The following LRATD2 variants were observed in gnomAD, a reference collection of about 807,000 sequenced individuals.
LRATD2 encodes LRAT domain containing 2, also known as protein LRATD2.
A neutral mutation model predicts 12.0 loss-of-function variants in LRATD2; 10 were observed. The ratio of observed to expected loss-of-function variants is 0.83; its 90% CI spans 0.51 to 1.41. LRATD2 has a LOEUF of 1.41. Among genes scored for constraint, LRATD2 ranks in the 40% most tolerant of loss-of-function variants. The pLI, the probability that LRATD2 is intolerant of heterozygous loss-of-function variation, is 0.00. For missense variants in LRATD2, 455 were observed against 446.1 expected (o/e 1.02, Z -0.18); for synonymous variants, 220 against 205.8 (o/e 1.07, Z -0.59).
In LRATD2 at chr8:126,557,735, T is replaced by A; in HGVS notation, c.-96-250A>T. On this transcript the variant is annotated intron_variant, in intron 1 of 1. Transcript: ENST00000304916. The surrounding 1 kb of genome is among the most constrained non-coding windows in gnomAD (Gnocchi z 5.3). ...AGCCCATTGCATCAGCAGCTTCTAC[T>A]GCTTCCGCCTGCGCCCTACCTGCCA... 1 of 267,998 alleles carries A rather than the reference T, an allele frequency of 3.7e-6. No homozygotes were observed. Among genetic ancestry groups the A allele is most frequent in the Non-Finnish European group, 7.0e-6 (1 of 142,928 alleles). 16.6% of individuals were successfully genotyped at this position (267,998 alleles called of 1,614,324 possible).
Position 126,557,804 on chromosome 8 carries a change from T to C in LRATD2, c.-97+230A>G. ...GAAGGAAAGAGAAACTTTACGCCAA[T>C]CCCCCCCCTCCTCTGCTAACTTCCC... On this transcript the variant is annotated intron_variant, in intron 1 of 1. Transcript: ENST00000304916. This position sits in a 1 kb window ranked among gnomAD's most constrained non-coding sequence, Gnocchi z 5.3. 3.0e-5 allele frequency: 5 copies of C among 169,070 alleles called. No homozygotes were observed. Among genetic ancestry groups the C allele is most frequent in the Non-Finnish European group, 6.2e-5 (5 of 81,098 alleles). 10.5% of individuals were successfully genotyped at this position (169,070 alleles called of 1,614,324 possible). A position where few individuals can be genotyped will look rare whatever the true frequency, so the allele number is the denominator to read the frequency against.
In LRATD2 at chr8:126,556,498, G is replaced by A. The variant is rs770510445; in HGVS notation, c.892C>T (p.Pro298Ser). ...TCTCCGTCCTCCTCCTCGGAGCTGG[G>A]CGCAGGGGGGCGCCCGGGAGGCGGC... ...TTPPPGRPPA[P>S]SSEEEDGEAV... is the part of the protein sequence containing the mutation. Residue 298 changes from proline to serine, a missense_variant, in exon 2 of 2, where the codon CCC becomes TCC. Coordinates refer to ENST00000304916, the MANE Select transcript of LRATD2 (RefSeq NM_174911.5). The surrounding 1 kb of genome is among the most constrained non-coding windows in gnomAD (Gnocchi z 5.6). The A allele has an allele frequency of 1.2e-5, 19 of 1,589,288 alleles. No homozygotes were observed. In the African/African-American group the frequency reaches 1.8e-4, roughly 15 times the overall value.
Position 126,556,259 on chromosome 8 carries a change from T to C in LRATD2, c.*198A>G. 2 of 606,236 alleles carry C rather than the reference T, an allele frequency of 3.3e-6. No individual in the cohort carries two copies. The highest frequency in any genetic ancestry group is 3.3e-5 in the East Asian group (1 of 30,484). The allele number at this position is 606,236 out of a possible 1,614,324, so 37.6% of individuals were successfully genotyped here. ...GCCCCCCACCCCCAACTAAAGTGTT[T>C]CCTACCTGCTCCCTCTGTCCCCTTC... is the stretch of plus-strand genomic sequence containing the variant. On this transcript the variant is annotated 3_prime_UTR_variant, in exon 2 of 2. Transcript: ENST00000304916. This position sits in a 1 kb window ranked among gnomAD's most constrained non-coding sequence, Gnocchi z 5.6.
rs760967885 is a variant in LRATD2 at position 126,556,692 on chromosome 8, T to C, written c.698A>G (p.Gln233Arg). 9 of 1,609,908 alleles carry C rather than the reference T, an allele frequency of 5.6e-6. No homozygotes were observed. In the South Asian group the frequency reaches 6.6e-5, roughly 12 times the overall value. The change falls in exon 2 of 2, where the codon CAG becomes CGG. Residue 233 changes from glutamine (Q) to arginine (R), a missense_variant. By Grantham distance (43) the Gln-to-Arg change is conservative (BLOSUM62 1). Transcript: ENST00000304916. This position sits in a 1 kb window ranked among gnomAD's most constrained non-coding sequence, Gnocchi z 5.6. ...CGTGTGGCTGCGCTGCGCCGACAGC[T>C]GAATCTGCAGCCGGTAGGGCTGCTT... ...IGKQPYRLQI[Q>R]LSAQRSHTLE...
At position 126,557,220 on chromosome 8, in the gene LRATD2, C is replaced by A. The variant is rs756032616; in HGVS notation, c.170G>T (p.Gly57Val). The change falls in exon 2 of 2, where the codon GGC (glycine) becomes GTC (valine). Residue 57 changes from glycine to valine, a missense_variant. By Grantham distance (109) the Gly-to-Val change is moderately radical. Transcript: ENST00000304916. This position sits in a 1 kb window ranked among gnomAD's most constrained non-coding sequence, Gnocchi z 5.3. ...PQPPPQGPDG[G>V]GLPDGGDGPP... Reference sequence around the variant, plus strand: ...CCCGTCCCCACCGTCGGGCAAGCCGCCGCCATCTGGCCCCTGAGGCGGCGG... The same window carrying A: ...CCCGTCCCCACCGTCGGGCAAGCCGACGCCATCTGGCCCCTGAGGCGGCGG... 6.2e-6 allele frequency: 10 copies of A among 1,600,258 alleles called. No individual in the cohort carries two copies. The Admixed American group carries it at 6.9e-5, about 11-fold the overall frequency.
At position 126,556,385 on chromosome 8, in the gene LRATD2, G is replaced by C; in HGVS notation, c.*72C>G. Reference sequence around the variant, plus strand: ...CAGACAGTGGCAAAAGAGGGAGGAAGAGAGGGAGAAAGGGAGCAGCGGCTG... The same window carrying C: ...CAGACAGTGGCAAAAGAGGGAGGAACAGAGGGAGAAAGGGAGCAGCGGCTG... On this transcript the variant is annotated 3_prime_UTR_variant, in exon 2 of 2. Coordinates refer to ENST00000304916, the MANE Select transcript of LRATD2 (RefSeq NM_174911.5). The surrounding 1 kb of genome is among the most constrained non-coding windows in gnomAD (Gnocchi z 5.6). The C allele has an allele frequency of 6.9e-7, 1 of 1,447,518 alleles. No individual in the cohort carries two copies. The highest frequency in any genetic ancestry group is 9.2e-7 in the Non-Finnish European group (1 of 1,091,986). 89.7% of individuals were successfully genotyped at this position (1,447,518 alleles called of 1,614,324 possible).
At position 126,557,339 on chromosome 8, in the gene LRATD2, G is replaced by A. The variant is rs1817438301; in HGVS notation, c.51C>T (p.Pro17=). 3.1e-6 allele frequency: 5 copies of A among 1,613,846 alleles called. No homozygotes were observed. Among genetic ancestry groups the A allele is most frequent in the Non-Finnish European group, 4.2e-6 (5 of 1,179,986 alleles). ...KLTHLSYKEV[P]TADPTGVDRD... ...GGTCCACGCCAGTCGGGTCGGCCGTGGGAACTTCCTTGTAACTTAGGTGGG... is the reference window on the plus strand; with the variant it reads ...GGTCCACGCCAGTCGGGTCGGCCGTAGGAACTTCCTTGTAACTTAGGTGGG... The change falls in exon 2 of 2, where the codon CCC becomes CCT. Residue 17 remains proline, a synonymous_variant. Coordinates refer to ENST00000304916, the MANE Select transcript of LRATD2 (RefSeq NM_174911.5). This position sits in a 1 kb window ranked among gnomAD's most constrained non-coding sequence, Gnocchi z 5.3.
rs1195064103 is a variant in LRATD2 at position 126,554,562 on chromosome 8, GT to G, written c.*1894del. 2.0e-5 allele frequency: 3 copies of G among 152,226 alleles called. No homozygotes were observed. Among genetic ancestry groups the G allele is most frequent in the African/African-American group, 7.2e-5 (3 of 41,454 alleles). 9.4% of individuals were successfully genotyped at this position (152,226 alleles called of 1,614,324 possible). On this transcript the variant is annotated 3_prime_UTR_variant, in exon 2 of 2. Transcript: ENST00000304916. ...TTTAACAATCAAAGTGGCAAGATCT[GT>G]TTGGTGATCACTGTAAAAACAGGAA... is the stretch of plus-strand genomic sequence containing the variant.
In LRATD2 at chr8:126,557,235, T is replaced by C. The variant is rs1817433295; in HGVS notation, c.155A>G (p.Gln52Arg). 2 of 1,603,440 alleles carry C rather than the reference T, an allele frequency of 1.2e-6. No homozygotes were observed. The highest frequency in any genetic ancestry group is 1.7e-6 in the Non-Finnish European group (2 of 1,175,372). Residue 52 changes from glutamine (Q) to arginine (R), a missense_variant, in exon 2 of 2, where the codon CAG (glutamine) becomes CGG (arginine). Gln to Arg is a conservative substitution (Grantham distance 43). Transcript: ENST00000304916. This position sits in a 1 kb window ranked among gnomAD's most constrained non-coding sequence, Gnocchi z 5.3. ...GGGCAAGCCGCCGCCATCTGGCCCC[T>C]GAGGCGGCGGCTGCGGCTCCACGTC... Reference protein sequence around the residue: ...DEDVEPQPPPQGPDGGGLPDG... With the variant: ...DEDVEPQPPPRGPDGGGLPDG...
In LRATD2 at chr8:126,557,288, G is replaced by A. The variant is rs772541434; in HGVS notation, c.102C>T (p.Val34=). 23 of 1,613,118 alleles carry A rather than the reference G, an allele frequency of 1.4e-5. No homozygotes were observed. In the East Asian group the frequency reaches 1.8e-4, roughly 13 times the overall value. Reference sequence around the variant, plus strand: ...CATCGTCATTGGAGAAAATGTAGGAGACCCCAATGCGGGGCCCGTCGTCCC... The same window carrying A: ...CATCGTCATTGGAGAAAATGTAGGAAACCCCAATGCGGGGCCCGTCGTCCC... ...VDRDDGPRIG[V]SYIFSNDDED... is the part of the protein sequence containing the mutation. Residue 34 remains valine, a synonymous_variant, in exon 2 of 2, where the codon GTC becomes GTT. Coordinates refer to ENST00000304916, the MANE Select transcript of LRATD2 (RefSeq NM_174911.5). This position sits in a 1 kb window ranked among gnomAD's most constrained non-coding sequence, Gnocchi z 5.3.
chr8:126,554,728 A>G lies in LRATD2; in HGVS notation c.*1729T>C, dbSNP rs1817349388. ...GCCTTAACTTAGAGATCTCCAGGCA[A>G]CAGGCCTGACGATAGCCATGGCTGT... On this transcript the variant is annotated 3_prime_UTR_variant, in exon 2 of 2. Coordinates refer to ENST00000304916, the MANE Select transcript of LRATD2 (RefSeq NM_174911.5). The G allele has an allele frequency of 6.6e-6, 1 of 152,130 alleles. No individual in the cohort carries two copies. The highest frequency in any genetic ancestry group is 6.5e-5 in the Admixed American group (1 of 15,270). 9.4% of individuals were successfully genotyped at this position (152,130 alleles called of 1,614,324 possible). A position where few individuals can be genotyped will look rare whatever the true frequency, so the allele number is the denominator to read the frequency against.
In LRATD2 at chr8:126,553,722, G is replaced by C. The variant is rs1372473597; in HGVS notation, c.*2735C>G. The C allele has an allele frequency of 6.6e-6, 1 of 152,140 alleles. No individual in the cohort carries two copies. Among genetic ancestry groups the C allele is most frequent in the Non-Finnish European group, 1.5e-5 (1 of 68,034 alleles). 9.4% of individuals were successfully genotyped at this position (152,140 alleles called of 1,614,324 possible). ...TCCCAATAAAAATCACTGTTCTTAAGTGTCACATATTTCACACCTCTGGTA... is the reference window on the plus strand; with the variant it reads ...TCCCAATAAAAATCACTGTTCTTAACTGTCACATATTTCACACCTCTGGTA... On this transcript the variant is annotated 3_prime_UTR_variant, in exon 2 of 2. Transcript: ENST00000304916.
In LRATD2 at chr8:126,556,566, G is replaced by GGGTGCA. The variant is rs1302215187; in HGVS notation, c.818_823dup (p.Leu273_His274dup). On this transcript the variant is annotated inframe_insertion, in exon 2 of 2. Transcript: ENST00000304916. The surrounding 1 kb of genome is among the most constrained non-coding windows in gnomAD (Gnocchi z 5.6). ...GCTGTCGCCCTCCTCCGGCTCCGCC[G>GGGTGCA]GGTGCAGGTGCGTGGCGAGCTCCTG... 1.2e-6 allele frequency: 2 copies of GGGTGCA among 1,607,680 alleles called. No homozygotes were observed. Among genetic ancestry groups the GGGTGCA allele is most frequent in the Non-Finnish European group, 8.5e-7 (1 of 1,177,396 alleles).
rs1284554717 is a variant in LRATD2, at chr8:126,556,784, C to A, written c.606G>T (p.Glu202Asp). ...CGTAGCGGCACCAGGCGGCGAAACT[C>A]TCCGAGTTGCGCCAGCTCAGCTCGC... The part of the protein sequence containing the change: ...KERELSWRNS[E>D]SFAAWCRYGK... Residue 202 changes from glutamate (E) to aspartate (D), a missense_variant, in exon 2 of 2, where the codon GAG becomes GAT. Transcript: ENST00000304916. The surrounding 1 kb of genome is among the most constrained non-coding windows in gnomAD (Gnocchi z 5.6). The A allele has an allele frequency of 6.3e-7, 1 of 1,597,692 alleles. No homozygotes were observed. Among genetic ancestry groups the A allele is most frequent in the Non-Finnish European group, 8.5e-7 (1 of 1,174,270 alleles).
In LRATD2 at chr8:126,553,375, T is replaced by C. The variant is rs944968584; in HGVS notation, c.*3082A>G. ...GAAAATAGAAATTTGTCTGCTTTCATTTAGCATACGTTCCAGTCGATGTCC... is the reference window on the plus strand; with the variant it reads ...GAAAATAGAAATTTGTCTGCTTTCACTTAGCATACGTTCCAGTCGATGTCC... On this transcript the variant is annotated 3_prime_UTR_variant, in exon 2 of 2. Transcript: ENST00000304916. 4 of 152,674 alleles carry C rather than the reference T, an allele frequency of 2.6e-5. No individual in the cohort carries two copies. The highest frequency in any genetic ancestry group is 9.6e-5 in the African/African-American group (4 of 41,470). 9.5% of individuals were successfully genotyped at this position (152,674 alleles called of 1,614,324 possible).
rs1046385374 is a variant in LRATD2, at chr8:126,552,449, C to G, written c.*4008G>C. ...CAAGTGGAAAAAAATCCAGTGAACTCTAATAGATGGTTTATTGGAAACGCT... is the reference window on the plus strand; with the variant it reads ...CAAGTGGAAAAAAATCCAGTGAACTGTAATAGATGGTTTATTGGAAACGCT... On this transcript the variant is annotated 3_prime_UTR_variant, in exon 2 of 2. Transcript: ENST00000304916. 1.3e-5 allele frequency: 2 copies of G among 152,548 alleles called. No individual in the cohort carries two copies. Among genetic ancestry groups the G allele is most frequent in the Admixed American group, 6.5e-5 (1 of 15,270 alleles). 9.4% of individuals were successfully genotyped at this position (152,548 alleles called of 1,614,324 possible). A position where few individuals can be genotyped will look rare whatever the true frequency, so the allele number is the denominator to read the frequency against.
Position 126,556,854 on chromosome 8 carries a change from C to G in LRATD2, c.536G>C (p.Ser179Thr). 1 of 1,607,000 alleles carries G rather than the reference C, an allele frequency of 6.2e-7. No homozygotes were observed. The highest frequency in any genetic ancestry group is 8.5e-7 in the Non-Finnish European group (1 of 1,179,552). ...DLYRYKPLSSSAVVRNALAHV... is the reference protein window; with the variant it reads ...DLYRYKPLSSTAVVRNALAHV... ...CGCCAGCGCGTTGCGCACCACGGCG[C>G]TGGAGCTTAGCGGCTTGTAGCGGTA... Residue 179 changes from serine to threonine, a missense_variant, in exon 2 of 2, where the codon AGC becomes ACC. By Grantham distance (58) the Ser-to-Thr change is moderately conservative. Transcript: ENST00000304916. This position sits in a 1 kb window ranked among gnomAD's most constrained non-coding sequence, Gnocchi z 5.6.
Position 126,556,357 on chromosome 8 carries a change from G to T in LRATD2, c.*100C>A. 7.4e-7 allele frequency: 1 copy of T among 1,354,260 alleles called. No individual in the cohort carries two copies. The highest frequency in any genetic ancestry group is 9.8e-7 in the Non-Finnish European group (1 of 1,017,042). 83.9% of individuals were successfully genotyped at this position (1,354,260 alleles called of 1,614,324 possible). ...AAAGGGCCCAGGAATCCCAGATGGG[G>T]CCCAGACAGTGGCAAAAGAGGGAGG... is the stretch of plus-strand genomic sequence containing the variant. On this transcript the variant is annotated 3_prime_UTR_variant, in exon 2 of 2. Coordinates refer to ENST00000304916, the MANE Select transcript of LRATD2 (RefSeq NM_174911.5). This position sits in a 1 kb window ranked among gnomAD's most constrained non-coding sequence, Gnocchi z 5.6.
Position 126,555,792 on chromosome 8 carries a change from G to C in LRATD2, c.*665C>G, listed in dbSNP as rs927303586. 2.6e-5 allele frequency: 4 copies of C among 152,700 alleles called. No individual in the cohort carries two copies. The highest frequency in any genetic ancestry group is 6.5e-5 in the Admixed American group (1 of 15,284). 9.5% of individuals were successfully genotyped at this position (152,700 alleles called of 1,614,324 possible). A position where few individuals can be genotyped will look rare whatever the true frequency, so the allele number is the denominator to read the frequency against. Reference sequence around the variant, plus strand: ...GGCTAATTACTTGGGGGTTGTGGAGGAGGGAGGTAGCAAAGTCTTTGTTTG... The same window carrying C: ...GGCTAATTACTTGGGGGTTGTGGAGCAGGGAGGTAGCAAAGTCTTTGTTTG... On this transcript the variant is annotated 3_prime_UTR_variant, in exon 2 of 2. Coordinates refer to ENST00000304916, the MANE Select transcript of LRATD2 (RefSeq NM_174911.5).
Sources: gnomAD v4.1 joint callset for allele counts on GRCh38, gnomAD v4.1.1 for gene constraint, Gnocchi (gnomAD v3.1) non-coding constraint, MANE v1.5 for transcripts, NCBI Gene and HGNC (gene_info 2026-07-23, HGNC 2026-07-21) for gene names.